The following MARCHF10 variants were observed in gnomAD, a reference collection of about 807,000 sequenced individuals.
The protein encoded by MARCHF10 is membrane associated ring-CH-type finger 10.
MARCHF10 carries 64 observed loss-of-function variants against 76.2 expected under a neutral mutation model. The ratio of observed to expected loss-of-function variants is 0.84; its 90% CI spans 0.69 to 1.03. The LOEUF (loss-of-function observed/expected upper bound fraction) is 1.03, where lower values mean the gene tolerates loss of function less well. MARCHF10 is among the 50% of genes least tolerant of loss of function. The pLI is 0.00. For synonymous variants in MARCHF10, 340 were observed against 357.5 expected (o/e 0.95, Z 0.55); for missense variants, 875 against 958.0 (o/e 0.91, Z 1.14).
At chr17:62,760,487 T>G (rs1392286249) in intron 3 of MARCHF10, among the ~76,000 whole-genome samples, 2 of 152,236 alleles carry the variant, frequency 1.3e-5, no homozygotes, top group Non-Finnish European at 2.9e-5. Context: ...TCTGCGTTAC[T>G]GGGTGCAACA....
At chr17:62,720,071 A>G (rs1209803372) in intron 8 of MARCHF10, among the ~76,000 whole-genome samples, 1 of 152,132 alleles carries the variant, frequency 6.6e-6, no homozygotes, top group African/African-American at 2.4e-5. Flanking sequence ...ATCTGTTCTT[A>G]AGTGCTGTCT....
intron 3 of MARCHF10, among the ~76,000 whole-genome samples, chr17:62,762,209 T>C (rs2092224413): frequency 6.6e-6 from 1 of 152,194 alleles, no homozygotes; most frequent in South Asian, 2.1e-4. Context: ...CACCCATTCA[T>C]TAAACCTCAA....
chr17:62,760,409 T>C (rs8065495), intron 3 of MARCHF10, among the ~76,000 whole-genome samples: 75,494 of 152,076 alleles, frequency 0.5, 20,291 homozygotes, highest in East Asian at 0.7. Flanking sequence ...TAATCATACA[T>C]TTGACAATGA....
Position 62,788,537 on chromosome 17 carries a change from C to T in MARCHF10, c.153G>A (p.Trp51Ter), listed in dbSNP as rs1361271356. ...DPNEKKRDQF[W>*]GQETSFERSR... ...ATCTCTCAAAACTTGTCTCTTGCCCCCAAAACTGATCGCGTTTCTTCTCAT... is the reference window on the plus strand; with the variant it reads ...ATCTCTCAAAACTTGTCTCTTGCCCTCAAAACTGATCGCGTTTCTTCTCAT... Residue 51 changes from tryptophan (W) to a stop codon, truncating the protein, a stop_gained, in exon 3 of 11, where the codon TGG (tryptophan) becomes TGA (stop). Transcript: ENST00000311269. LOFTEE classifies it high-confidence loss of function. 1.1e-5 allele frequency: 17 copies of T among 1,614,036 alleles called. No homozygotes were observed. Among genetic ancestry groups the T allele is most frequent in the East Asian group, 2.2e-5 (1 of 44,884 alleles).
At chr17:62,780,668 A>G (rs3901445) in intron 3 of MARCHF10, among the ~76,000 whole-genome samples, 8,834 of 152,282 alleles carry the variant, frequency 0.058, 873 homozygotes, top group African/African-American at 0.2. Flanking sequence ...CAAATGGTGC[A>G]CTTAAAAAAC....
chr17:62,760,030 AGTC>A, intron 3 of MARCHF10, 24 bp from the exon 4 acceptor site: 1 of 1,605,766 alleles, frequency 6.2e-7, no homozygotes, highest in Non-Finnish European at 8.5e-7. Context: ...AATACGTCTG[AGTC>A]TCAGTGGCCA....
chr17:62,749,281 C>T (rs1022198426), intron 4 of MARCHF10, among the ~76,000 whole-genome samples: 7 of 152,212 alleles, frequency 4.6e-5, no homozygotes, highest in African/African-American at 1.7e-4. Context: ...CAGCTGTTCA[C>T]GTTCGGCTCT....
chr17:62,732,384 A>G (rs1214241597), intron 6 of MARCHF10, among the ~76,000 whole-genome samples: 120 of 152,240 alleles, frequency 7.9e-4, no homozygotes, highest in Non-Finnish European at 3.2e-4. Flanking sequence ...GGGAAAGACA[A>G]CAAAAGACCA....
Position 62,737,012 on chromosome 17 carries a change from T to G in MARCHF10, c.856A>C (p.Arg286=), listed in dbSNP as rs1224148595. 6.2e-7 allele frequency: 1 copy of G among 1,614,176 alleles called. No homozygotes were observed. Among genetic ancestry groups the G allele is most frequent in the African/African-American group, 1.3e-5 (1 of 75,028 alleles). Reference sequence around the variant, plus strand: ...TCCTCTTCAGTGTCATCGCTTTCTCTTCTGCTGTTCAATGACAAAATGGAA... The same window carrying G: ...TCCTCTTCAGTGTCATCGCTTTCTCGTCTGCTGTTCAATGACAAAATGGAA... ...FYSILSLNSR[R]ESDDTEEETQ... The change falls in exon 6 of 11, where the codon AGA becomes CGA. Residue 286 remains arginine (R), a synonymous_variant. Transcript: ENST00000311269.
intron 3 of MARCHF10, among the ~76,000 whole-genome samples, chr17:62,781,330 C>G (rs2092654927): frequency 6.6e-6 from 1 of 152,130 alleles, no homozygotes; most frequent in South Asian, 2.1e-4. Flanking sequence ...ACTGTAATGT[C>G]AGTGTGCCAC....
At chr17:62,777,848 T>C (rs760774043) in intron 3 of MARCHF10, among the ~76,000 whole-genome samples, 18 of 152,078 alleles carry the variant, frequency 1.2e-4, no homozygotes, top group Non-Finnish European at 2.4e-4. Flanking sequence ...GCTGCTGCTG[T>C]GCACCACCAC....
At chr17:62,740,246 G>C (rs890035741) in intron 5 of MARCHF10, among the ~76,000 whole-genome samples, 1 of 152,116 alleles carries the variant, frequency 6.6e-6, no homozygotes, top group Non-Finnish European at 1.5e-5. Flanking sequence ...GCTATTCATA[G>C]ACCAGGCCCT....
intron 1 of MARCHF10, among the ~76,000 whole-genome samples, chr17:62,803,376 A>T (rs767535920): frequency 7.9e-5 from 12 of 152,162 alleles, no homozygotes; most frequent in Non-Finnish European, 1.8e-4. Context: ...TGGTAGAGTA[A>T]AACAAAGAAG....
Position 62,722,530 on chromosome 17 carries a change from G to C in MARCHF10, c.2172C>G (p.Asp724Glu). ...CKQGLLVDLG[D>E]FNMIEFYQKH... ...TCTGGTAGAACTCAATCATGTTAAA[G>C]TCACCCAGGTCAACCAGCAGGCCTT... Residue 724 changes from aspartate to glutamate, a missense_variant, in exon 8 of 11, where the codon GAC becomes GAG. Physicochemically the swap from Asp to Glu is conservative, Grantham distance 45. Transcript: ENST00000311269. The C allele has an allele frequency of 2.5e-6, 4 of 1,613,832 alleles. No homozygotes were observed. The highest frequency in any genetic ancestry group is 3.4e-6 in the Non-Finnish European group (4 of 1,179,934).
intron 4 of MARCHF10, among the ~76,000 whole-genome samples, chr17:62,751,141 G>A (rs189586187): frequency 9.2e-5 from 14 of 152,282 alleles, no homozygotes; most frequent in African/African-American, 2.9e-4. Flanking sequence ...CTAACCTCAC[G>A]CTCAAACTGC....
chr17:62,774,553 G>A (rs138107605), intron 3 of MARCHF10, among the ~76,000 whole-genome samples: 4 of 152,098 alleles, frequency 2.6e-5, no homozygotes, highest in African/African-American at 9.7e-5. Flanking sequence ...GCTTCACTGC[G>A]GCAGGGAGGG....
In MARCHF10 at chr17:62,783,422, A is replaced by G. The variant is rs556887406; in HGVS notation, c.210+5058T>C. On this transcript the variant is annotated intron_variant, in intron 3 of 10. Coordinates refer to ENST00000311269, the MANE Select transcript of MARCHF10 (RefSeq NM_152598.4). Reference sequence around the variant, plus strand: ...GCACTAAATGCCCACAAGAGAAAGCAGGAAAGATCTAAAATCGACACCCTA... The same window carrying G: ...GCACTAAATGCCCACAAGAGAAAGCGGGAAAGATCTAAAATCGACACCCTA... Among the ~76,000 whole-genome samples, 472 of 152,218 alleles carry G rather than the reference A, an allele frequency of 3.1e-3. 1 individual carries two copies. The highest frequency in any genetic ancestry group is 5.4e-3 in the Non-Finnish European group (366 of 68,010).
intron 3 of MARCHF10, among the ~76,000 whole-genome samples, chr17:62,767,150 A>G (rs1314643173): frequency 6.6e-6 from 1 of 152,140 alleles, no homozygotes; most frequent in Non-Finnish European, 1.5e-5. Flanking sequence ...AGATTCAAGC[A>G]AATGTGATAG....
At position 62,712,564 on chromosome 17, in the gene MARCHF10, C is replaced by T. The variant is rs1432280766; in HGVS notation, c.2215-1220G>A. On this transcript the variant is annotated intron_variant, in intron 8 of 10. Coordinates refer to ENST00000311269, the MANE Select transcript of MARCHF10 (RefSeq NM_152598.4). This position sits in a 1 kb window ranked among gnomAD's most constrained non-coding sequence, Gnocchi z 4.2. ...GCCAACTCTGGATCTTGGTGACAGCCGGCCCTGAGATCACTGCTGCAGGCC... is the reference window on the plus strand; with the variant it reads ...GCCAACTCTGGATCTTGGTGACAGCTGGCCCTGAGATCACTGCTGCAGGCC... Among the ~76,000 whole-genome samples, 3 of 152,126 alleles carry T rather than the reference C, an allele frequency of 2.0e-5. No homozygotes were observed. Among genetic ancestry groups the T allele is most frequent in the East Asian group, 1.9e-4 (1 of 5,184 alleles).
Sources: allele counts gnomAD v4.1 joint callset (sites outside exome capture counted in the v4.1 genomes callset), GRCh38; gene constraint gnomAD v4.1.1; non-coding constraint Gnocchi (gnomAD v3.1); transcripts MANE v1.5; gene names NCBI Gene and HGNC (gene_info 2026-07-23, HGNC 2026-07-21).